Variants in TMCC3 observed in about 807,000 individuals in gnomAD.
TMCC3 encodes the protein transmembrane and coiled-coil domain family 3.
In TMCC3, 28 loss-of-function variants were observed where a neutral mutation model predicts 40.2. The ratio of observed to expected loss-of-function variants is 0.70; its 90% CI spans 0.52 to 0.95. The LOEUF is 0.95. Ranked by LOEUF, TMCC3 falls within the 40% of genes least tolerant of loss-of-function variation. The probability of loss-of-function intolerance (pLI) is 0.00; values close to 1 mark genes in which losing one functional copy is unlikely to be tolerated. For synonymous variants in TMCC3, 255 were observed against 248.5 expected (o/e 1.03, Z -0.25); for missense variants, 554 against 615.2 (o/e 0.90, Z 1.05).
intron 1 of TMCC3, among the ~76,000 whole-genome samples, chr12:94,635,466 A>G (rs1295937267): frequency 1.3e-5 from 2 of 152,208 alleles, no homozygotes; most frequent in Non-Finnish European, 2.9e-5. Context: ...CAGTGTTTGC[A>G]AACTGTAGAA....
chr12:94,582,814 A>C (rs542239201), intron 1 of TMCC3, among the ~76,000 whole-genome samples: 5 of 152,232 alleles, frequency 3.3e-5, no homozygotes, highest in African/African-American at 9.6e-5. Context: ...CCCAGGGTAG[A>C]AAACGCAAAA....
chr12:94,629,062 T>G (rs2068918423), intron 1 of TMCC3, among the ~76,000 whole-genome samples: 1 of 152,192 alleles, frequency 6.6e-6, no homozygotes. Context: ...GCATCCTTCT[T>G]CCATCTGAGT....
intron 1 of TMCC3, among the ~76,000 whole-genome samples, chr12:94,619,826 T>C (rs1330875320): frequency 1.3e-5 from 2 of 152,196 alleles, no homozygotes; most frequent in East Asian, 3.8e-4. Flanking sequence ...ATAATAGATA[T>C]GTATATTTTG....
intron 1 of TMCC3, among the ~76,000 whole-genome samples, chr12:94,643,458 C>T (rs977421514): frequency 6.6e-6 from 1 of 152,190 alleles, no homozygotes; most frequent in Non-Finnish European, 1.5e-5. Flanking sequence ...GAAGCACCAC[C>T]TTCACCTTGC....
rs759673543 is a variant in TMCC3 at position 94,582,277 on chromosome 12, C to G, written c.340G>C (p.Val114Leu). 6.2e-7 allele frequency: 1 copy of G among 1,614,140 alleles called. No individual in the cohort carries two copies. Among genetic ancestry groups the G allele is most frequent in the Admixed American group, 1.7e-5 (1 of 60,012 alleles). ...GATTTCTGATTCTTCTTCTCAAAGA[C>G]TTGCTTGATACGTCCCGCCTGCTGC... ...DKQQAGRIKQ[V>L]FEKKNQKSAH... Residue 114 changes from valine to leucine, a missense_variant, in exon 2 of 4, where the codon GTC becomes CTC. Val to Leu is a conservative substitution (Grantham distance 32). Coordinates refer to ENST00000261226, the MANE Select transcript of TMCC3 (RefSeq NM_020698.4).
intron 1 of TMCC3, among the ~76,000 whole-genome samples, chr12:94,612,381 G>A (rs1398974151): frequency 6.6e-6 from 1 of 151,920 alleles, no homozygotes; most frequent in Non-Finnish European, 1.5e-5. Flanking sequence ...TGCGATCTCG[G>A]CTCACTGCAA....
chr12:94,607,825 T>C (rs922595594), intron 1 of TMCC3, among the ~76,000 whole-genome samples: 1 of 152,216 alleles, frequency 6.6e-6, no homozygotes, highest in African/African-American at 2.4e-5. Context: ...TTCGAAATGT[T>C]AGGGGACCAT....
In TMCC3 at chr12:94,582,016, T is replaced by G; in HGVS notation, c.601A>C (p.Asn201His). ...VSLTPPVFVFNKSREFANLIR... is the reference protein window; with the variant it reads ...VSLTPPVFVFHKSREFANLIR... The stretch of plus-strand genomic sequence containing the variant: ...AGGTTGGCAAACTCTCTGGACTTAT[T>G]GAAAACGAACACAGGTGGAGTAAGT... Residue 201 changes from asparagine to histidine, a missense_variant, in exon 2 of 4, where the codon AAT (asparagine) becomes CAT (histidine). By Grantham distance (68) the Asn-to-His change is moderately conservative. Coordinates refer to ENST00000261226, the MANE Select transcript of TMCC3 (RefSeq NM_020698.4). 6.2e-7 allele frequency: 1 copy of G among 1,614,198 alleles called. No individual in the cohort carries two copies. Among genetic ancestry groups the G allele is most frequent in the South Asian group, 1.1e-5 (1 of 91,084 alleles).
chr12:94,582,216 T>A lies in TMCC3; in HGVS notation c.401A>T (p.Glu134Val). ...CTCTCTGAGCTTTCGATGATACTGC[T>A]CTAACTTCTTCTGCAGCTGGGCGAT... ...HSIAQLQKKL[E>V]QYHRKLREIE... The change falls in exon 2 of 4, where the codon GAG (glutamate) becomes GTG (valine). Residue 134 changes from glutamate (E) to valine (V), a missense_variant. By Grantham distance (121) the Glu-to-Val change is moderately radical. Coordinates refer to ENST00000261226, the MANE Select transcript of TMCC3 (RefSeq NM_020698.4). The A allele has an allele frequency of 6.2e-7, 1 of 1,614,204 alleles. No homozygotes were observed. The highest frequency in any genetic ancestry group is 1.1e-5 in the South Asian group (1 of 91,080).
At chr12:94,623,174 T>C (rs900003833) in intron 1 of TMCC3, among the ~76,000 whole-genome samples, 2 of 151,946 alleles carry the variant, frequency 1.3e-5, no homozygotes, top group Non-Finnish European at 2.9e-5. Flanking sequence ...AGAAAAGATA[T>C]TCTAAACAAT....
rs773035131 is a variant in TMCC3 at position 94,598,722 on chromosome 12, C to T, written c.79-16184G>A. ...GGCTTTCTTCTCCCACAGCCACAGA[C>T]GTTTAAAGGCTCCAAAGATTCGTGT... On this transcript the variant is annotated intron_variant, in intron 1 of 3. Transcript: ENST00000261226. The T allele has an allele frequency of 1.7e-5, 17 of 985,304 alleles. No homozygotes were observed. The Admixed American group carries it at 1.8e-4, about 11-fold the overall frequency. The allele number at this position is 985,304 out of a possible 1,614,324, so 61.0% of individuals were successfully genotyped here.
chr12:94,606,485 G>T (rs1283864429), intron 1 of TMCC3, among the ~76,000 whole-genome samples: 1 of 151,446 alleles, frequency 6.6e-6, no homozygotes, highest in Admixed American at 6.6e-5. Flanking sequence ...TCCTGTCTCA[G>T]CCTCCTGAGT....
chr12:94,597,120 A>AATATAT (rs768080145), intron 1 of TMCC3, among the ~76,000 whole-genome samples: 10 of 5,484 alleles, frequency 1.8e-3, no homozygotes, highest in African/African-American at 3.6e-3. Context: ...TCTCTATTAA[A>AATATAT]ATACATATAT....
At chr12:94,588,430 A>G (rs1361917386) in intron 1 of TMCC3, among the ~76,000 whole-genome samples, 1 of 152,154 alleles carries the variant, frequency 6.6e-6, no homozygotes, top group Non-Finnish European at 1.5e-5. Context: ...CTATCACAAC[A>G]ATGTGACAGA....
chr12:94,602,901 G>A (rs1179507772), intron 1 of TMCC3, among the ~76,000 whole-genome samples: 8 of 152,112 alleles, frequency 5.3e-5, no homozygotes, highest in Admixed American at 1.3e-4. Context: ...TTAGGTCCTC[G>A]TAAAGAAGCA....
intron 1 of TMCC3, among the ~76,000 whole-genome samples, chr12:94,590,149 T>TG (rs2068664239): frequency 6.7e-6 from 1 of 149,684 alleles, no homozygotes; most frequent in Non-Finnish European, 1.5e-5. Flanking sequence ...TCGCCCAGGC[T>TG]GGAGTGCAGT....
chr12:94,602,532 C>T (rs768821301), intron 1 of TMCC3, among the ~76,000 whole-genome samples: 6 of 152,158 alleles, frequency 3.9e-5, no homozygotes, highest in African/African-American at 9.7e-5. Flanking sequence ...ATTTAATTGA[C>T]ACTAAGGGAA....
intron 1 of TMCC3, among the ~76,000 whole-genome samples, chr12:94,622,402 C>T (rs535663043): frequency 2.2e-4 from 34 of 152,224 alleles, no homozygotes; most frequent in Admixed American, 5.2e-4. Context: ...CCTTGAAAAG[C>T]CAGAATCCTC....
chr12:94,581,624 G>A lies in TMCC3; in HGVS notation c.993C>T (p.Tyr331=). Residue 331 remains tyrosine, a splice_region_variant and synonymous_variant, in exon 2 of 4, where the codon TAC becomes TAT. Transcript: ENST00000261226. The part of the protein sequence containing the change: ...FISQTLQEER[Y]RYERLEDQLH... The stretch of plus-strand genomic sequence containing the variant: ...GCCAATGGAATACTTTGAAATACCT[G>A]TATCTTTCCTCTTGCAGGGTCTGAG... The A allele has an allele frequency of 6.6e-7, 1 of 1,509,194 alleles. No homozygotes were observed. Among genetic ancestry groups the A allele is most frequent in the Non-Finnish European group, 8.9e-7 (1 of 1,121,572 alleles). The allele number at this position is 1,509,194 out of a possible 1,614,324, so 93.5% of individuals were successfully genotyped here. A position where few individuals can be genotyped will look rare whatever the true frequency, so the allele number is the denominator to read the frequency against.
Sources: gnomAD v4.1 joint callset for allele counts (sites outside exome capture counted in the v4.1 genomes callset) on GRCh38, gnomAD v4.1.1 for gene constraint, MANE v1.5 for transcripts, NCBI Gene and HGNC (gene_info 2026-07-23, HGNC 2026-07-21) for gene names.